The following PTPRT variants were observed in gnomAD, a reference collection of about 807,000 sequenced individuals.
PTPRT encodes receptor-type tyrosine-protein phosphatase T.
PTPRT carries 56 observed loss-of-function variants against 176.8 expected under a neutral mutation model. That is an observed-to-expected ratio of 0.32 (90% CI 0.26 to 0.40). The LOEUF (loss-of-function observed/expected upper bound fraction) is 0.40, where lower values mean the gene tolerates loss of function less well. Among genes scored for constraint, PTPRT ranks in the 10% least tolerant of loss-of-function variants. The probability of loss-of-function intolerance (pLI) is 1.00; values close to 1 mark genes in which losing one functional copy is unlikely to be tolerated. For synonymous variants in PTPRT, 783 were observed against 739.0 expected, an observed-to-expected ratio of 1.06 and a Z score of -0.96; for missense variants, 1,540 against 1,908.2, an observed-to-expected ratio of 0.81 and a Z score of 3.60.
intron 15 of PTPRT, among the ~76,000 whole-genome samples, chr20:42,217,775 A>G (rs1295133816): frequency 6.6e-6 from 1 of 152,228 alleles, no homozygotes; most frequent in Non-Finnish European, 1.5e-5. Context: ...GTCTCTAGAC[A>G]TTGCAAAATG....
At chr20:43,142,000 A>G (rs1387357659) in intron 1 of PTPRT, among the ~76,000 whole-genome samples, 1 of 152,220 alleles carries the variant, frequency 6.6e-6, no homozygotes, top group Non-Finnish European at 1.5e-5. Flanking sequence ...CGTGGAGTAC[A>G]GAAGACTCAA....
chr20:42,760,380 C>CTTT (rs754362528), intron 5 of PTPRT, among the ~76,000 whole-genome samples: 8 of 94,232 alleles, frequency 8.5e-5, no homozygotes, highest in Non-Finnish European at 1.2e-4. Context: ...TCTAAATCTG[C>CTTT]TTTTTTTTTT....
chr20:42,107,348 G>A (rs1986561485), intron 23 of PTPRT, among the ~76,000 whole-genome samples: 4 of 152,224 alleles, frequency 2.6e-5, no homozygotes, highest in African/African-American at 9.6e-5. Context: ...AAGACAGAGA[G>A]TGGTTGGTGG....
chr20:42,359,874 C>G (rs1203181462), intron 9 of PTPRT, among the ~76,000 whole-genome samples: 1 of 152,204 alleles, frequency 6.6e-6, no homozygotes, highest in Non-Finnish European at 1.5e-5. Flanking sequence ...TGCTGCGGCC[C>G]TGCAGGGGCT....
At chr20:42,672,580 C>A (rs965673267) in intron 7 of PTPRT, among the ~76,000 whole-genome samples, 10 of 152,198 alleles carry the variant, frequency 6.6e-5, no homozygotes, top group African/African-American at 2.4e-4. Context: ...CTACTCCCAA[C>A]CCCACATCCC....
chr20:42,646,582 A>G (rs1170188156), intron 7 of PTPRT, among the ~76,000 whole-genome samples: 1 of 152,072 alleles, frequency 6.6e-6, no homozygotes, highest in Non-Finnish European at 1.5e-5. Flanking sequence ...AATAAAATTA[A>G]TATTTCAGTT....
intron 7 of PTPRT, among the ~76,000 whole-genome samples, chr20:42,529,869 A>G (rs966505284): frequency 2.6e-5 from 4 of 151,974 alleles, no homozygotes; most frequent in Non-Finnish European, 5.9e-5. Context: ...AAAAAAAGAA[A>G]AAAAAGACTT....
At chr20:42,777,884 C>T (rs764564098) in intron 4 of PTPRT, among the ~76,000 whole-genome samples, 1 of 152,160 alleles carries the variant, frequency 6.6e-6, no homozygotes, top group Non-Finnish European at 1.5e-5. Flanking sequence ...CAATTCCAGC[C>T]ACTCCTATGG....
intron 1 of PTPRT, among the ~76,000 whole-genome samples, chr20:42,941,428 C>G (rs1184605184): frequency 6.6e-6 from 1 of 152,160 alleles, no homozygotes; most frequent in Non-Finnish European, 1.5e-5. Context: ...TAAAATATAC[C>G]TGGTCATCTA....
At chr20:42,406,679 AC>A (rs1233010832) in intron 9 of PTPRT, among the ~76,000 whole-genome samples, 1 of 152,200 alleles carries the variant, frequency 6.6e-6, no homozygotes, top group Non-Finnish European at 1.5e-5. Context: ...AAAACAGGAT[AC>A]AAATAATGCA....
chr20:42,810,457 C>T (rs2077683336), intron 2 of PTPRT, among the ~76,000 whole-genome samples: 2 of 152,196 alleles, frequency 1.3e-5, no homozygotes, highest in South Asian at 4.1e-4. Flanking sequence ...TGAATCAGCT[C>T]TCACCCCACG....
At chr20:43,103,609 T>C (rs2012479028) in intron 1 of PTPRT, among the ~76,000 whole-genome samples, 1 of 152,088 alleles carries the variant, frequency 6.6e-6, no homozygotes, top group African/African-American at 2.4e-5. Flanking sequence ...ATGGGGGCAA[T>C]ATCACCCCCA....
chr20:42,184,541 C>CTTCTTCTTCTTCTTCT (rs1555797958), intron 16 of PTPRT, among the ~76,000 whole-genome samples: 4,269 of 91,582 alleles, frequency 0.047, 589 homozygotes, highest in South Asian at 0.054. Flanking sequence ...CTTCCTCTTC[C>CTTCTTCTTCTTCTTCT]TCTTCTTCTT....
intron 7 of PTPRT, among the ~76,000 whole-genome samples, chr20:42,589,096 C>A (rs1346544377): frequency 6.6e-6 from 1 of 152,138 alleles, no homozygotes; most frequent in Non-Finnish European, 1.5e-5. Context: ...AAGAAACATG[C>A]CCTGGATCAA....
chr20:42,782,375 G>A (rs1424942707), intron 3 of PTPRT, among the ~76,000 whole-genome samples: 1 of 152,162 alleles, frequency 6.6e-6, no homozygotes, highest in Non-Finnish European at 1.5e-5. Flanking sequence ...CGTCTTAGGT[G>A]TCCAGGTCAC....
At chr20:42,286,388 AC>A (rs2057231174) in intron 12 of PTPRT, among the ~76,000 whole-genome samples, 1 of 152,004 alleles carries the variant, frequency 6.6e-6, no homozygotes, top group African/African-American at 2.4e-5. Context: ...AGACACATAA[AC>A]CAATGAAATA....
intron 1 of PTPRT, among the ~76,000 whole-genome samples, chr20:42,903,665 G>A (rs1404519826): frequency 2.0e-5 from 3 of 152,292 alleles, no homozygotes; most frequent in Admixed American, 6.5e-5. Context: ...TACCTTGGCC[G>A]TTAAGTGTGC....
At chr20:42,355,761 C>A (rs932027823) in intron 9 of PTPRT, among the ~76,000 whole-genome samples, 1 of 152,140 alleles carries the variant, frequency 6.6e-6, no homozygotes, top group African/African-American at 2.4e-5. Context: ...CTGTCCCCGT[C>A]CCCCTGCTTG....
At chr20:42,297,760 T>C (rs1161173601) in intron 12 of PTPRT, among the ~76,000 whole-genome samples, 2 of 152,110 alleles carry the variant, frequency 1.3e-5, no homozygotes, top group Admixed American at 1.3e-4. Context: ...GCATCTCAAA[T>C]TATCGGGACA....
Sources: allele counts gnomAD v4.1 joint callset (sites outside exome capture counted in the v4.1 genomes callset), GRCh38; gene constraint gnomAD v4.1.1; transcripts MANE v1.5; gene names NCBI Gene and HGNC (gene_info 2026-07-23, HGNC 2026-07-21).